FRS2: variants seen among roughly 807,000 people sequenced by gnomAD.
FRS2 encodes the protein fibroblast growth factor receptor substrate 2, also known as FGFR signalling adaptor.
In FRS2, 8 loss-of-function variants were observed where a neutral mutation model predicts 43.9. The observed-to-expected ratio is 0.18, with a 90% CI of 0.11 to 0.33. The LOEUF (loss-of-function observed/expected upper bound fraction) is 0.33. FRS2 is among the 10% of genes least tolerant of loss of function. The probability of loss-of-function intolerance (pLI) is 1.00; values close to 1 mark genes in which losing one functional copy is unlikely to be tolerated. For missense variants in FRS2, 534 were observed against 627.6 expected (o/e 0.85, Z 1.59); for synonymous variants, 219 against 220.3 (o/e 0.99, Z 0.05).
chr12:69,510,105 C>G (rs923649566), intron 1 of FRS2, among the ~76,000 whole-genome samples: 1 of 152,148 alleles, frequency 6.6e-6, no homozygotes, highest in Non-Finnish European at 1.5e-5. Context: ...CCCTAGCATA[C>G]CTCATGTGGT....
chr12:69,524,991 C>G (rs1876062451), intron 1 of FRS2, among the ~76,000 whole-genome samples: 1 of 152,074 alleles, frequency 6.6e-6, no homozygotes, highest in Non-Finnish European at 1.5e-5. Flanking sequence ...TTCAGCTATG[C>G]CCTGTATCTT....
At position 69,574,909 on chromosome 12, in the gene FRS2, G is replaced by A. The variant is rs1419401241; in HGVS notation, c.1481G>A (p.Gly494Asp). The change falls in exon 9 of 9, where the codon GGT becomes GAT. Residue 494 changes from glycine (G) to aspartate (D), a missense_variant. Physicochemically the swap from Gly to Asp is moderately conservative, Grantham distance 94. Transcript: ENST00000549921. ...CAGAAAGCACTGCCACGAGATGATG[G>A]TACATCTAGGAAAACTAGACACAAT... ...NLQKALPRDD[G>D]TSRKTRHNST... The A allele has an allele frequency of 6.2e-7, 1 of 1,613,252 alleles. No homozygotes were observed. The highest frequency in any genetic ancestry group is 8.5e-7 in the Non-Finnish European group (1 of 1,179,328).
intron 1 of FRS2, among the ~76,000 whole-genome samples, chr12:69,508,710 C>T (rs1852586797): frequency 1.3e-5 from 2 of 152,202 alleles, no homozygotes; most frequent in African/African-American, 4.8e-5. Context: ...ACAAGGCAGT[C>T]AGTTTCCGTT....
At chr12:69,512,534 TTA>T (rs1239963536) in intron 1 of FRS2, among the ~76,000 whole-genome samples, 1 of 152,188 alleles carries the variant, frequency 6.6e-6, no homozygotes, top group Non-Finnish European at 1.5e-5. Flanking sequence ...TGTGGTATCT[TTA>T]TAAGGTGAGT....
In FRS2 at chr12:69,576,415, ACT is replaced by A. The variant is rs1881196075; in HGVS notation, c.*1463_*1464del. 6.6e-6 allele frequency: 1 copy of A among 152,198 alleles called. No individual in the cohort carries two copies. The highest frequency in any genetic ancestry group is 1.5e-5 in the Non-Finnish European group (1 of 68,038). 9.4% of individuals were successfully genotyped at this position (152,198 alleles called of 1,614,324 possible). ...AAACTGAAGAGTCTCCATATGTCAA[ACT>A]CTTGGAAAATCAAAGATGTTCCAAT... On this transcript the variant is annotated 3_prime_UTR_variant, in exon 9 of 9. Coordinates refer to ENST00000549921, the MANE Select transcript of FRS2 (RefSeq NM_001278356.2).
chr12:69,538,952 TGACA>T (rs1877607515), intron 3 of FRS2, among the ~76,000 whole-genome samples: 1 of 152,194 alleles, frequency 6.6e-6, no homozygotes, highest in Admixed American at 6.5e-5. Flanking sequence ...CTAGATGCCA[TGACA>T]CCCCGGTAGC....
At chr12:69,532,161 T>G (rs1037917350) in intron 3 of FRS2, 105 bp downstream of exon 3, 1 of 152,302 alleles carries the variant, frequency 6.6e-6, no homozygotes, top group Non-Finnish European at 1.5e-5. Flanking sequence ...ATATCTTTTC[T>G]TTATTATGGG....
At chr12:69,549,704 T>G (rs1325879043) in intron 3 of FRS2, among the ~76,000 whole-genome samples, 1 of 152,242 alleles carries the variant, frequency 6.6e-6, no homozygotes, top group African/African-American at 2.4e-5. Context: ...GATGGAAATT[T>G]GAAGACAATT....
chr12:69,481,262 T>C (rs1027165866), intron 1 of FRS2, among the ~76,000 whole-genome samples: 4 of 150,216 alleles, frequency 2.7e-5, no homozygotes, highest in African/African-American at 9.9e-5. Context: ...AGTACCATCA[T>C]GAAAGTCCAA....
At position 69,565,575 on chromosome 12, in the gene FRS2, T is replaced by G. The variant is rs185475701; in HGVS notation, c.-27+3301T>G. On this transcript the variant is annotated intron_variant, in intron 4 of 8. Coordinates refer to ENST00000549921, the MANE Select transcript of FRS2 (RefSeq NM_001278356.2). ...TTATATCCTTTAAGATTTTTTTCTG[T>G]TTTTAAAATTTTTAATTTTTTTTTA... is the stretch of plus-strand genomic sequence containing the variant. Among the ~76,000 whole-genome samples the G allele has an allele frequency of 2.2e-3, 331 of 152,292 alleles. 2 individuals carry two copies. Among genetic ancestry groups the G allele is most frequent in the Non-Finnish European group, 2.8e-3 (191 of 68,024 alleles).
At chr12:69,546,061 A>G (rs1392210146) in intron 3 of FRS2, among the ~76,000 whole-genome samples, 5 of 152,212 alleles carry the variant, frequency 3.3e-5, no homozygotes, top group Non-Finnish European at 7.3e-5. Flanking sequence ...CACCAAAGGC[A>G]CAGACAATAC....
intron 1 of FRS2, among the ~76,000 whole-genome samples, chr12:69,492,862 C>T (rs1872592836): frequency 6.6e-6 from 1 of 152,160 alleles, no homozygotes; most frequent in Non-Finnish European, 1.5e-5. Context: ...AGCCATTGTC[C>T]TTCAGATGTG....
chr12:69,539,824 G>A (rs564802888), intron 3 of FRS2, among the ~76,000 whole-genome samples: 10 of 152,098 alleles, frequency 6.6e-5, no homozygotes, highest in South Asian at 2.1e-4. Flanking sequence ...GCAGGGTGGC[G>A]GGCGCCTGTA....
At chr12:69,561,239 C>T (rs1879848900) in intron 3 of FRS2, among the ~76,000 whole-genome samples, 1 of 152,128 alleles carries the variant, frequency 6.6e-6, no homozygotes, top group Non-Finnish European at 1.5e-5. Context: ...TGAGATGTAG[C>T]AGCATCTCAC....
At chr12:69,559,510 G>C (rs888023191) in intron 3 of FRS2, among the ~76,000 whole-genome samples, 26 of 152,084 alleles carry the variant, frequency 1.7e-4, no homozygotes, top group African/African-American at 6.3e-4. Context: ...CCATATTCAT[G>C]GATGGATGCT....
intron 1 of FRS2, among the ~76,000 whole-genome samples, chr12:69,497,504 C>T (rs1873016131): frequency 6.6e-6 from 1 of 152,164 alleles, no homozygotes; most frequent in South Asian, 2.1e-4. Context: ...TATAAGGGCA[C>T]TAATCCCATT....
chr12:69,549,932 T>C (rs1475729241), intron 3 of FRS2, among the ~76,000 whole-genome samples: 1 of 152,176 alleles, frequency 6.6e-6, no homozygotes, highest in Non-Finnish European at 1.5e-5. Flanking sequence ...TCACAATTCC[T>C]TTAGATGTTG....
At chr12:69,560,679 G>T (rs1342563718) in intron 3 of FRS2, among the ~76,000 whole-genome samples, 1 of 152,184 alleles carries the variant, frequency 6.6e-6, no homozygotes, top group African/African-American at 2.4e-5. Flanking sequence ...GACTCTATGT[G>T]TGGCATACAG....
At chr12:69,516,406 C>T (rs981291544) in intron 1 of FRS2, among the ~76,000 whole-genome samples, 80 of 151,804 alleles carry the variant, frequency 5.3e-4, no homozygotes, top group Non-Finnish European at 9.1e-4. Context: ...TTAGTAGAGA[C>T]GGGGTTTCTC....
Sources: gnomAD v4.1 joint callset for allele counts (sites outside exome capture counted in the v4.1 genomes callset) on GRCh38, gnomAD v4.1.1 for gene constraint, MANE v1.5 for transcripts, NCBI Gene and HGNC (gene_info 2026-07-23, HGNC 2026-07-21) for gene names.